MYRIP: variants seen among roughly 807,000 people sequenced by gnomAD.
The protein encoded by MYRIP is myosin VIIA and Rab interacting protein.
In MYRIP, 49 loss-of-function variants were observed where a neutral mutation model predicts 98.0. That is an observed-to-expected ratio of 0.50 (90% CI 0.40 to 0.63). MYRIP has a LOEUF of 0.63. Among genes scored for constraint, MYRIP ranks in the 30% least tolerant of loss-of-function variants. The pLI is 0.00. For missense variants in MYRIP, 1,004 were observed against 1,058.2 expected (o/e 0.95, Z 0.71); for synonymous variants, 404 against 409.5 (o/e 0.99, Z 0.16).
At chr3:40,155,968 T>G (rs1950226598) in intron 4 of MYRIP, among the ~76,000 whole-genome samples, 1 of 152,176 alleles carries the variant, frequency 6.6e-6, no homozygotes, top group Non-Finnish European at 1.5e-5. Context: ...TGGTAGTTTC[T>G]TTTGCTGTGC....
At chr3:40,159,087 T>C (rs1476484231) in intron 4 of MYRIP, among the ~76,000 whole-genome samples, 2 of 152,152 alleles carry the variant, frequency 1.3e-5, no homozygotes, top group South Asian at 2.1e-4. Flanking sequence ...TTCTTCCTAG[T>C]CTCGATGGTC....
chr3:40,154,384 T>C (rs1435317349), intron 4 of MYRIP, among the ~76,000 whole-genome samples: 1 of 152,234 alleles, frequency 6.6e-6, no homozygotes, highest in Admixed American at 6.5e-5. Flanking sequence ...TGTGCCCATC[T>C]GGCTTAAGAG....
intron 1 of MYRIP, among the ~76,000 whole-genome samples, chr3:39,886,450 C>T (rs1409704724): frequency 5.4e-5 from 8 of 148,200 alleles, no homozygotes; most frequent in Middle Eastern, 3.3e-3. Context: ...ACCCATCTCA[C>T]GTGCAGAGAC....
In MYRIP at chr3:40,039,692, T is replaced by A. The variant is rs1559375938; in HGVS notation, c.111-4358T>A. Among the ~76,000 whole-genome samples the A allele has an allele frequency of 2.0e-5, 3 of 150,242 alleles. No individual in the cohort carries two copies. In the Admixed American group the frequency reaches 2.0e-4, roughly 10 times the overall value. On this transcript the variant is annotated intron_variant, in intron 2 of 16. Coordinates refer to ENST00000302541, the MANE Select transcript of MYRIP (RefSeq NM_015460.4). ...AGAGAGTGGTAATTAGATGAGAATA[T>A]AGTGTTGAGGAAAGTTTGTACTTAC...
intron 10 of MYRIP, among the ~76,000 whole-genome samples, chr3:40,198,222 C>CAAT (rs1951454338): frequency 6.6e-6 from 1 of 151,884 alleles, no homozygotes; most frequent in Non-Finnish European, 1.5e-5. Context: ...GCACCGAGGG[C>CAAT]AGTTGGAAGT....
At chr3:39,994,783 C>T (rs559497046) in intron 2 of MYRIP, among the ~76,000 whole-genome samples, 53 of 152,302 alleles carry the variant, frequency 3.5e-4, no homozygotes, top group African/African-American at 1.3e-3. Context: ...CTGGGAGGCA[C>T]CCCCCAGTAG....
chr3:40,200,362 C>G (rs984164766), intron 10 of MYRIP, among the ~76,000 whole-genome samples: 2 of 151,884 alleles, frequency 1.3e-5, no homozygotes, highest in African/African-American at 4.8e-5. Context: ...ACATGGGGCA[C>G]GGGTTGAATA....
intron 4 of MYRIP, among the ~76,000 whole-genome samples, chr3:40,159,606 A>C (rs1162758186): frequency 3.3e-5 from 5 of 151,828 alleles, no homozygotes; most frequent in Non-Finnish European, 7.4e-5. Flanking sequence ...ACTTGGTTCC[A>C]TTCTCCCCGT....
chr3:39,860,826 A>G (rs985517374), intron 1 of MYRIP, among the ~76,000 whole-genome samples: 1 of 152,092 alleles, frequency 6.6e-6, no homozygotes, highest in African/African-American at 2.4e-5. Flanking sequence ...TTCCTTTCCC[A>G]TTGGCATGTG....
chr3:39,907,251 A>G (rs1199367665), intron 2 of MYRIP, among the ~76,000 whole-genome samples: 1 of 152,198 alleles, frequency 6.6e-6, no homozygotes, highest in Non-Finnish European at 1.5e-5. Flanking sequence ...ATGATGTTTC[A>G]TCAGTATAAA....
chr3:39,862,127 G>A (rs987124735), intron 1 of MYRIP, among the ~76,000 whole-genome samples: 2 of 152,226 alleles, frequency 1.3e-5, no homozygotes, highest in African/African-American at 4.8e-5. Flanking sequence ...AACCCCATCA[G>A]GCTAACAGTG....
intron 3 of MYRIP, among the ~76,000 whole-genome samples, chr3:40,059,622 T>G (rs1947964305): frequency 6.6e-6 from 1 of 152,208 alleles, no homozygotes; most frequent in East Asian, 1.9e-4. Context: ...TCAAAGACAC[T>G]TTGTCTTTGA....
At chr3:39,977,418 A>G (rs187513381) in intron 2 of MYRIP, among the ~76,000 whole-genome samples, 25 of 152,264 alleles carry the variant, frequency 1.6e-4, no homozygotes, top group Admixed American at 1.2e-3. Flanking sequence ...TGGAATTGTT[A>G]CCGCCTTTGG....
chr3:39,994,788 C>A (rs576562371), intron 2 of MYRIP, among the ~76,000 whole-genome samples: 3 of 152,194 alleles, frequency 2.0e-5, no homozygotes, highest in African/African-American at 4.8e-5. Context: ...AGGCACCCCC[C>A]AGTAGGGGCA....
At chr3:40,054,022 G>T (rs1421254264) in intron 3 of MYRIP, among the ~76,000 whole-genome samples, 1 of 152,128 alleles carries the variant, frequency 6.6e-6, no homozygotes, top group Non-Finnish European at 1.5e-5. Context: ...TAACTGTTTT[G>T]TCACTCTGGC....
rs191376074 is a variant in MYRIP, at chr3:39,922,632, A to G, written c.110+21706A>G. ...GAATTTCCACCCAGCAGCAACAAGG[A>G]GCTCCCTCCTCAGGTATCAACAGAG... is the stretch of plus-strand genomic sequence containing the variant. On this transcript the variant is annotated intron_variant, in intron 2 of 16. Coordinates refer to ENST00000302541, the MANE Select transcript of MYRIP (RefSeq NM_015460.4). 3.8e-3 allele frequency among the ~76,000 whole-genome samples: 581 copies of G among 152,314 alleles called. 3 individuals are homozygous for G. Among genetic ancestry groups the G allele is most frequent in the Middle Eastern group, 6.8e-3 (2 of 294 alleles).
chr3:40,237,980 T>C (rs1411712113), intron 12 of MYRIP, among the ~76,000 whole-genome samples: 3 of 152,228 alleles, frequency 2.0e-5, no homozygotes, highest in Admixed American at 1.3e-4. Context: ...TTGTATGTTT[T>C]TTTTCCTTTG....
chr3:40,202,335 A>T (rs747184131), intron 10 of MYRIP, among the ~76,000 whole-genome samples: 3 of 152,008 alleles, frequency 2.0e-5, no homozygotes, highest in Non-Finnish European at 4.4e-5. Flanking sequence ...TCTATGAAAA[A>T]CTTTTTCTCA....
intron 3 of MYRIP, among the ~76,000 whole-genome samples, chr3:40,119,510 C>T (rs146715586): frequency 1.4e-4 from 22 of 152,206 alleles, no homozygotes; most frequent in Admixed American, 5.9e-4. Flanking sequence ...CCTCTGGAGA[C>T]GGGAACTGGA....
Sources: gnomAD v4.1 joint callset for allele counts (sites outside exome capture counted in the v4.1 genomes callset) on GRCh38, gnomAD v4.1.1 for gene constraint, MANE v1.5 for transcripts, NCBI Gene and HGNC (gene_info 2026-07-23, HGNC 2026-07-21) for gene names.